DSCAML1: variants seen among roughly 807,000 people sequenced by gnomAD.
DSCAML1 encodes DS cell adhesion molecule like 1, also known as cell adhesion molecule DSCAML1.
In DSCAML1, 38 loss-of-function variants were observed where a neutral mutation model predicts 200.5. The observed-to-expected ratio is 0.19, with a 90% CI of 0.15 to 0.25. The LOEUF is 0.25. Among genes scored for constraint, DSCAML1 ranks in the 10% least tolerant of loss-of-function variants. The pLI, the probability that DSCAML1 is intolerant of heterozygous loss-of-function variation, is 1.00. For synonymous variants in DSCAML1, 1,215 were observed against 1,165.0 expected, an observed-to-expected ratio of 1.04 and a Z score of -0.87; for missense variants, 2,223 against 2,858.8, an observed-to-expected ratio of 0.78 and a Z score of 5.07.
chr11:117,483,840 G>C (rs572328671), intron 11 of DSCAML1, among the ~76,000 whole-genome samples: 34 of 152,268 alleles, frequency 2.2e-4, no homozygotes, highest in Non-Finnish European at 3.1e-4. Flanking sequence ...AGCCATCCTG[G>C]AGTATATAAA....
chr11:117,816,756 C>G (rs952534731), intron 1 of DSCAML1, among the ~76,000 whole-genome samples: 2 of 148,928 alleles, frequency 1.3e-5, no homozygotes, highest in South Asian at 4.2e-4. Context: ...TTGGGGGCAC[C>G]CCTTCCTTGC....
chr11:117,675,073 C>T (rs1217596617), intron 3 of DSCAML1, among the ~76,000 whole-genome samples: 3 of 152,148 alleles, frequency 2.0e-5, no homozygotes, highest in African/African-American at 7.2e-5. Flanking sequence ...AGTTATCGCC[C>T]ATTCTGTTTC....
intron 3 of DSCAML1, among the ~76,000 whole-genome samples, chr11:117,592,367 G>A (rs535254093): frequency 1.1e-4 from 16 of 152,254 alleles, no homozygotes; most frequent in South Asian, 2.1e-4. Flanking sequence ...TTCACTCAGC[G>A]TCTTAAGCAT....
chr11:117,719,939 C>T (rs1398906524), intron 3 of DSCAML1, among the ~76,000 whole-genome samples: 1 of 152,232 alleles, frequency 6.6e-6, no homozygotes, highest in Non-Finnish European at 1.5e-5. Flanking sequence ...AAAGAGCTGA[C>T]TGTGCTTTGT....
chr11:117,768,724 G>A lies in DSCAML1; in HGVS notation c.511+8067C>T, dbSNP rs567509949. ...CCCATTTTATAGATGATTAAACTGA[G>A]GCTTTGGAAGTAACTTGCTCAAGGT... On this transcript the variant is annotated intron_variant, in intron 3 of 32. Coordinates refer to ENST00000651296, the MANE Select transcript of DSCAML1 (RefSeq NM_020693.4). Among the ~76,000 whole-genome samples the A allele has an allele frequency of 5.3e-5, 8 of 152,236 alleles. No homozygotes were observed. In the South Asian group the frequency reaches 1.2e-3, roughly 24 times the overall value.
At chr11:117,751,555 A>T (rs1262165243) in intron 3 of DSCAML1, among the ~76,000 whole-genome samples, 1 of 152,124 alleles carries the variant, frequency 6.6e-6, no homozygotes, top group East Asian at 1.9e-4. Context: ...GAAGACAGGC[A>T]AGAGAAGAAG....
At chr11:117,683,958 T>C (rs1435085153) in intron 3 of DSCAML1, among the ~76,000 whole-genome samples, 2 of 152,152 alleles carry the variant, frequency 1.3e-5, no homozygotes, top group Admixed American at 1.3e-4. Context: ...TGTGCACAAA[T>C]GCAGGCAGAT....
rs568740548 is a variant in DSCAML1 at position 117,498,088 on chromosome 11, C to T, written c.2359+5757G>A. Among the ~76,000 whole-genome samples, 1 of 152,282 alleles carries T rather than the reference C, an allele frequency of 6.6e-6. No individual in the cohort carries two copies. The highest frequency in any genetic ancestry group is 1.9e-4 in the East Asian group (1 of 5,180). On this transcript the variant is annotated intron_variant, in intron 11 of 32. Transcript: ENST00000651296. The surrounding 1 kb of genome is among the most constrained non-coding windows in gnomAD (Gnocchi z 4.0). Reference sequence around the variant, plus strand: ...GCAAAGGCCTGTGCTGAGCTGGGTGCCAGAAGTGAGAGTTCCCACCCAGGG... The same window carrying T: ...GCAAAGGCCTGTGCTGAGCTGGGTGTCAGAAGTGAGAGTTCCCACCCAGGG...
intron 3 of DSCAML1, among the ~76,000 whole-genome samples, chr11:117,673,974 G>T (rs879701140): frequency 6.6e-6 from 1 of 152,194 alleles, no homozygotes; most frequent in Non-Finnish European, 1.5e-5. Flanking sequence ...AATTAGAAGC[G>T]CATGTCCCAC....
intron 3 of DSCAML1, among the ~76,000 whole-genome samples, chr11:117,695,312 T>C (rs1255883200): frequency 6.8e-6 from 1 of 146,152 alleles, no homozygotes; most frequent in Non-Finnish European, 1.5e-5. Context: ...TTTCTTTCTT[T>C]TTCTTTTTTT....
intron 3 of DSCAML1, among the ~76,000 whole-genome samples, chr11:117,606,558 C>G (rs1450997579): frequency 6.6e-6 from 1 of 152,162 alleles, no homozygotes; most frequent in African/African-American, 2.4e-5. Context: ...TTATAAAACT[C>G]TCCAGAATAT....
intron 3 of DSCAML1, among the ~76,000 whole-genome samples, chr11:117,557,706 C>T (rs550045389): frequency 6.6e-6 from 1 of 152,122 alleles, no homozygotes; most frequent in Admixed American, 6.5e-5. Flanking sequence ...TGCCACTTGG[C>T]TGTGGGGTGA....
At chr11:117,634,381 G>C (rs2137578755) in intron 3 of DSCAML1, among the ~76,000 whole-genome samples, 1 of 152,248 alleles carries the variant, frequency 6.6e-6, no homozygotes, top group Non-Finnish European at 1.5e-5. Flanking sequence ...ACCCTTTCCA[G>C]CCTCCGCTTC....
At chr11:117,474,823 C>T (rs552432703) in intron 14 of DSCAML1, among the ~76,000 whole-genome samples, 2 of 150,960 alleles carry the variant, frequency 1.3e-5, no homozygotes, top group Non-Finnish European at 2.9e-5. Flanking sequence ...GGCGCGATCT[C>T]GGCTTACTGC....
intron 11 of DSCAML1, among the ~76,000 whole-genome samples, chr11:117,486,519 A>G (rs1303774902): frequency 1.3e-5 from 2 of 152,212 alleles, no homozygotes; most frequent in African/African-American, 4.8e-5. Context: ...CTCAGGCAAG[A>G]AGGAAAGCAG....
At chr11:117,620,053 C>T (rs1366109597) in intron 3 of DSCAML1, among the ~76,000 whole-genome samples, 1 of 152,114 alleles carries the variant, frequency 6.6e-6, no homozygotes, top group African/African-American at 2.4e-5. Context: ...ATCTTTAGTA[C>T]GGTGCTTGGT....
At chr11:117,794,685 G>A (rs1196400853) in intron 1 of DSCAML1, among the ~76,000 whole-genome samples, 13 of 151,840 alleles carry the variant, frequency 8.6e-5, no homozygotes, top group Admixed American at 7.9e-4. Context: ...GGCAACGGGA[G>A]AGAAAATACT....
chr11:117,769,179 AT>A (rs2054957768), intron 3 of DSCAML1, among the ~76,000 whole-genome samples: 2 of 26,188 alleles, frequency 7.6e-5, no homozygotes, highest in Admixed American at 9.8e-4. Flanking sequence ...TTTTATATAT[AT>A]TATACATATA....
At chr11:117,573,504 C>T (rs905233906) in intron 3 of DSCAML1, among the ~76,000 whole-genome samples, 23 of 152,122 alleles carry the variant, frequency 1.5e-4, no homozygotes, top group Admixed American at 7.2e-4. Flanking sequence ...TCGGGTGCTC[C>T]GCCCCACCCT....
Sources: allele counts gnomAD v4.1 joint callset (sites outside exome capture counted in the v4.1 genomes callset), GRCh38; gene constraint gnomAD v4.1.1; non-coding constraint Gnocchi (gnomAD v3.1); transcripts MANE v1.5; gene names NCBI Gene and HGNC (gene_info 2026-07-23, HGNC 2026-07-21).